F8: variants seen among roughly 807,000 people sequenced by gnomAD.
The protein encoded by F8 is antihemophilic factor.
F8 carries 12 observed loss-of-function variants against 140.6 expected under a neutral mutation model. That is an observed-to-expected ratio of 0.09 (90% CI 0.05 to 0.14). The LOEUF (loss-of-function observed/expected upper bound fraction) is 0.14. Among genes scored for constraint, F8 ranks in the 10% least tolerant of loss-of-function variants. The pLI, the probability that F8 is intolerant of heterozygous loss-of-function variation, is 1.00. For synonymous variants in F8, 585 were observed against 614.6 expected (o/e 0.95, Z 0.71); for missense variants, 1,354 against 1,720.7 (o/e 0.79, Z 3.77).
chrX:154,839,741 T>C (rs1234510736), intron 25 of F8, among the ~76,000 whole-genome samples: 1 of 111,895 alleles, frequency 8.9e-6, no homozygotes, highest in Non-Finnish European at 1.9e-5. Context: ...TATCTTTTCC[T>C]TTATCTCTTT....
At chrX:155,006,014 C>T (rs948474933) in intron 1 of F8, among the ~76,000 whole-genome samples, 1 of 109,805 alleles carries the variant, frequency 9.1e-6, no homozygotes, top group Non-Finnish European at 1.9e-5. Flanking sequence ...TTTCTGCATG[C>T]AAGAAAAAAA....
chrX:154,922,346 C>T (rs976728186), intron 14 of F8, among the ~76,000 whole-genome samples: 1 of 112,048 alleles, frequency 8.9e-6, no homozygotes, highest in East Asian at 2.8e-4. Flanking sequence ...GGGAGACCTG[C>T]TTTTGTCTCC....
rs1557278776 is a variant in F8 at position 154,931,050 on chromosome X, C to T, written c.2740G>A (p.Ala914Thr). ...LISTIPSDNLAAGTDNTSSLG... is the reference protein window; with the variant it reads ...LISTIPSDNLTAGTDNTSSLG... The stretch of plus-strand genomic sequence containing the variant: ...GAACTTGTATTATCAGTACCTGCTG[C>T]CAAATTGTCTGATGGAATTGTTGAA... Residue 914 changes from alanine to threonine, a missense_variant, in exon 14 of 26, where the codon GCA becomes ACA. Physicochemically the swap from Ala to Thr is moderately conservative, Grantham distance 58. Transcript: ENST00000360256. 2 of 1,195,301 alleles carry T rather than the reference C, an allele frequency of 1.7e-6. No individual in the cohort carries two copies. Among genetic ancestry groups the T allele is most frequent in the Admixed American group, 2.3e-5 (1 of 44,070 alleles).
At chrX:154,988,277 T>C (rs1212672584) in intron 4 of F8, among the ~76,000 whole-genome samples, 2 of 112,316 alleles carry the variant, frequency 1.8e-5, no homozygotes, top group East Asian at 5.5e-4. Flanking sequence ...TCTAAATTAC[T>C]TTGACACAAA....
intron 11 of F8, among the ~76,000 whole-genome samples, chrX:154,956,125 G>A (rs782359500): frequency 8.9e-6 from 1 of 112,394 alleles, no homozygotes; most frequent in East Asian, 2.8e-4. Flanking sequence ...TGCAAGAAGA[G>A]AAATATGACT....
intron 7 of F8, among the ~76,000 whole-genome samples, chrX:154,967,390 C>T (rs1054435643): frequency 4.5e-5 from 5 of 112,019 alleles, no homozygotes; most frequent in Non-Finnish European, 7.5e-5. Context: ...CATCTTCATG[C>T]TTTGTAAAAT....
At chrX:154,879,020 T>C (rs1401036177) in intron 22 of F8, among the ~76,000 whole-genome samples, 1 of 112,046 alleles carries the variant, frequency 8.9e-6, no homozygotes, top group East Asian at 2.8e-4. Flanking sequence ...ATATCCTGTG[T>C]TCATGAATTG....
At chrX:155,005,962 T>TC (rs1190431944) in intron 1 of F8, among the ~76,000 whole-genome samples, 3 of 110,093 alleles carry the variant, frequency 2.7e-5, no homozygotes, top group Non-Finnish European at 5.7e-5. Flanking sequence ...CTTCCTTCAC[T>TC]CCCCCATGGG....
intron 25 of F8, among the ~76,000 whole-genome samples, chrX:154,839,043 G>A (rs1328795938): frequency 8.5e-5 from 9 of 106,030 alleles, no homozygotes; most frequent in African/African-American, 2.4e-4. Flanking sequence ...TCTCTGATCT[G>A]TTCTCCCACT....
chrX:154,986,250 T>C lies in F8; in HGVS notation c.670+987A>G, dbSNP rs143018140. Among the ~76,000 whole-genome samples the C allele has an allele frequency of 9.2e-4, 104 of 112,449 alleles. No individual in the cohort carries two copies. The East Asian group carries it at 0.026, about 28-fold the overall frequency. ...CAAGGCTGGAAATGTCACCAGAGAA[T>C]AGATAATGCATTTTGCACTTTACCT... is the stretch of plus-strand genomic sequence containing the variant. On this transcript the variant is annotated intron_variant, in intron 5 of 25. Coordinates refer to ENST00000360256, the MANE Select transcript of F8 (RefSeq NM_000132.4).
chrX:154,939,216 G>T (rs920415361), intron 13 of F8, among the ~76,000 whole-genome samples: 1 of 112,065 alleles, frequency 8.9e-6, no homozygotes. Flanking sequence ...GCAGGGCGAG[G>T]CATCGCCTCA....
chrX:154,858,773 G>A (rs782032964), intron 25 of F8, among the ~76,000 whole-genome samples: 9 of 112,206 alleles, frequency 8.0e-5, no homozygotes, highest in Non-Finnish European at 1.1e-4. Flanking sequence ...CATGTTAGGT[G>A]GAATTATGAC....
At chrX:154,867,198 C>A (rs28890527) in intron 22 of F8, among the ~76,000 whole-genome samples, 1,390 of 111,860 alleles carry the variant, frequency 0.012, 22 homozygotes, top group African/African-American at 0.043. Context: ...ATCTAGTAAT[C>A]AAAAACCTTC....
At chrX:154,894,030 C>T (rs1176024653) in intron 22 of F8, among the ~76,000 whole-genome samples, 1 of 112,210 alleles carries the variant, frequency 8.9e-6, no homozygotes, top group Non-Finnish European at 1.9e-5. Context: ...TTCTATCAAT[C>T]CCAGGTCTTC....
chrX:154,994,316 TA>T (rs1413046525), intron 3 of F8, among the ~76,000 whole-genome samples: 4 of 111,183 alleles, frequency 3.6e-5, no homozygotes, highest in African/African-American at 6.5e-5. Flanking sequence ...AAGTCATCTT[TA>T]AAAAAAAATT....
intron 1 of F8, among the ~76,000 whole-genome samples, chrX:155,021,028 C>A (rs1444970478): frequency 9.0e-6 from 1 of 111,587 alleles, no homozygotes; most frequent in Non-Finnish European, 1.9e-5. Flanking sequence ...GATATAGTAG[C>A]CAAAAACTGG....
intron 22 of F8, among the ~76,000 whole-genome samples, chrX:154,871,403 A>G (rs183904721): frequency 8.9e-6 from 1 of 112,249 alleles, no homozygotes; most frequent in Admixed American, 9.4e-5. Flanking sequence ...CACAGTTACA[A>G]CCATATGATC....
intron 3 of F8, among the ~76,000 whole-genome samples, chrX:154,995,852 T>C (rs2073614000): frequency 9.0e-6 from 1 of 111,472 alleles, no homozygotes; most frequent in Non-Finnish European, 1.9e-5. Flanking sequence ...ATGTCTCAAG[T>C]AGGACTCACC....
chrX:155,019,152 G>A (rs2073748495), intron 1 of F8, among the ~76,000 whole-genome samples: 1 of 111,906 alleles, frequency 8.9e-6, no homozygotes, highest in Non-Finnish European at 1.9e-5. Flanking sequence ...GATACCAGCT[G>A]CTGAAAACTT....
Sources: allele counts gnomAD v4.1 joint callset (sites outside exome capture counted in the v4.1 genomes callset), GRCh38; gene constraint gnomAD v4.1.1; transcripts MANE v1.5; gene names NCBI Gene and HGNC (gene_info 2026-07-23, HGNC 2026-07-21).